BMPR2: variants seen among roughly 807,000 people sequenced by gnomAD.
The protein encoded by BMPR2 is bone morphogenetic protein receptor type 2.
A neutral mutation model predicts 100.8 loss-of-function variants in BMPR2; 29 were observed. That is an observed-to-expected ratio of 0.29 (90% CI 0.21 to 0.39). The LOEUF is 0.39. Ranked by LOEUF, BMPR2 falls within the 10% of genes least tolerant of loss-of-function variation. The probability of loss-of-function intolerance (pLI) is 1.00; values close to 1 mark genes in which losing one functional copy is unlikely to be tolerated. For synonymous variants in BMPR2, 382 were observed against 442.3 expected, an observed-to-expected ratio of 0.86 and a Z score of 1.71; for missense variants, 1,011 against 1,274.5, an observed-to-expected ratio of 0.79 and a Z score of 3.15.
At chr2:202,534,861 C>CTG (rs1187810701) in intron 9 of BMPR2, among the ~76,000 whole-genome samples, 22 of 133,912 alleles carry the variant, frequency 1.6e-4, no homozygotes, top group Non-Finnish European at 3.3e-4. Flanking sequence ...GGCTGACCCC[C>CTG]CCACCTCCCT....
intron 7 of BMPR2, among the ~76,000 whole-genome samples, chr2:202,527,256 G>C (rs1339128713): frequency 6.6e-6 from 1 of 152,134 alleles, no homozygotes; most frequent in African/African-American, 2.4e-5. Flanking sequence ...GGGAGGCCGA[G>C]GTGGGTGGAT....
chr2:202,480,940 C>G (rs894703122), intron 3 of BMPR2, among the ~76,000 whole-genome samples: 2 of 130,132 alleles, frequency 1.5e-5, no homozygotes, highest in Non-Finnish European at 3.1e-5. Flanking sequence ...GGGCGACAGA[C>G]CGAGACTCCG....
Position 202,456,063 on chromosome 2 carries a change from CAAAAAAAAAAAAAAAAAAAAAAA to C in BMPR2, c.77-8729_77-8707del, listed in dbSNP as rs750470872. ...CTGGGCAACAGGGTGAGACCCGTCTCAAAAAAAAAAAAAAAAAAAAAAAAAAAAAAAAAAAAAAAGTTAAGTAG... is the reference window on the plus strand; with the variant it reads ...CTGGGCAACAGGGTGAGACCCGTCTCAAAAAAAAAAAAAAAAGTTAAGTAG... On this transcript the variant is annotated intron_variant, in intron 1 of 12. Coordinates refer to ENST00000374580, the MANE Select transcript of BMPR2 (RefSeq NM_001204.7). 5.4e-4 allele frequency among the ~76,000 whole-genome samples: 20 copies of C among 36,762 alleles called. 1 individual carries two copies. Among genetic ancestry groups the C allele is most frequent in the East Asian group, 2.8e-3 (2 of 720 alleles). 24.1% of individuals were successfully genotyped at this position (36,762 alleles called of 152,430 possible).
At chr2:202,383,702 T>C (rs1459510905) in intron 1 of BMPR2, among the ~76,000 whole-genome samples, 1 of 147,070 alleles carries the variant, frequency 6.8e-6, no homozygotes, top group African/African-American at 2.5e-5. Flanking sequence ...AAAAACAAAA[T>C]TAGCCACGCG....
chr2:202,554,608 A>G (rs1235412451), intron 11 of BMPR2, among the ~76,000 whole-genome samples: 1 of 152,106 alleles, frequency 6.6e-6, no homozygotes, highest in Non-Finnish European at 1.5e-5. Flanking sequence ...CAAAGAACCC[A>G]TGATAATTGG....
chr2:202,543,785 A>G (rs1264036082), intron 10 of BMPR2, among the ~76,000 whole-genome samples: 1 of 152,170 alleles, frequency 6.6e-6, no homozygotes, highest in Non-Finnish European at 1.5e-5. Context: ...AATAACGAGA[A>G]ATTTTTGGTA....
intron 1 of BMPR2, among the ~76,000 whole-genome samples, chr2:202,393,882 C>CGAGAGCGAGAGAGAGAGA (rs1212615683): frequency 6.1e-5 from 6 of 97,924 alleles, no homozygotes; most frequent in African/African-American, 1.4e-4. Flanking sequence ...AATGAGAGAG[C>CGAGAGCGAGAGAGAGAGA]GAGAGAGAGA....
intron 1 of BMPR2, among the ~76,000 whole-genome samples, chr2:202,378,480 CT>C (rs1161855393): frequency 6.6e-6 from 1 of 152,100 alleles, no homozygotes; most frequent in Non-Finnish European, 1.5e-5. Flanking sequence ...TTTCGAATTA[CT>C]TTTTTTCTTT....
At chr2:202,384,530 C>CCCTT (rs1690377155) in intron 1 of BMPR2, among the ~76,000 whole-genome samples, 3 of 107,602 alleles carry the variant, frequency 2.8e-5, no homozygotes, top group African/African-American at 4.3e-5. Flanking sequence ...TTCTTTCTTT[C>CCCTT]TCTTTCTTTC....
Position 202,390,807 on chromosome 2 carries a change from ATTTG to A in BMPR2, c.76+13265_76+13268del, listed in dbSNP as rs1190455307. Among the ~76,000 whole-genome samples the A allele has an allele frequency of 2.0e-5, 3 of 151,698 alleles. 1 individual carries two copies. The highest frequency in any genetic ancestry group is 2.9e-5 in the Non-Finnish European group (2 of 67,966). On this transcript the variant is annotated intron_variant, in intron 1 of 12. Transcript: ENST00000374580. ...TTTCTCTGAATTGCCTATTCTAATG[ATTTG>A]TTTGTTTTTCTTACTGATTTAAAGG...
rs188857825 is a variant in BMPR2 at position 202,431,191 on chromosome 2, A to G, written c.77-33618A>G. ...CCATCATGTCTCCTTTGCTGGAGCAATAATAGATTTTGCATATATTTTATT... is the reference window on the plus strand; with the variant it reads ...CCATCATGTCTCCTTTGCTGGAGCAGTAATAGATTTTGCATATATTTTATT... On this transcript the variant is annotated intron_variant, in intron 1 of 12. Transcript: ENST00000374580. Among the ~76,000 whole-genome samples the G allele has an allele frequency of 2.9e-4, 44 of 150,744 alleles. 1 individual carries two copies. Among genetic ancestry groups the G allele is most frequent in the South Asian group, 8.3e-4 (4 of 4,818 alleles).
chr2:202,411,628 G>A (rs1691014294), intron 1 of BMPR2, among the ~76,000 whole-genome samples: 1 of 152,110 alleles, frequency 6.6e-6, no homozygotes, highest in Non-Finnish European at 1.5e-5. Context: ...CTCTGTTGGA[G>A]TCTAGTGTAG....
chr2:202,443,530 CTCTCTCTCTTTCTG>C (rs931349404), intron 1 of BMPR2, among the ~76,000 whole-genome samples: 16 of 149,658 alleles, frequency 1.1e-4, no homozygotes, highest in Non-Finnish European at 1.2e-4. Context: ...TCCTTTCTTT[CTCTCTCTCTTTCTG>C]TCTCTCTCTT....
rs796451742 is a variant in BMPR2, at chr2:202,437,473, AC to A, written c.77-27335del. On this transcript the variant is annotated intron_variant, in intron 1 of 12. Coordinates refer to ENST00000374580, the MANE Select transcript of BMPR2 (RefSeq NM_001204.7). Reference sequence around the variant, plus strand: ...TAACAGCTTTATTGGGATATAATCTACATAGCATATAATTCACCCATTAAAA... The same window carrying A: ...TAACAGCTTTATTGGGATATAATCTAATAGCATATAATTCACCCATTAAAA... 2.5e-4 allele frequency among the ~76,000 whole-genome samples: 37 copies of A among 150,792 alleles called. 4 individuals are homozygous for A. The highest frequency in any genetic ancestry group is 9.2e-4 in the African/African-American group (37 of 40,104).
intron 3 of BMPR2, among the ~76,000 whole-genome samples, chr2:202,499,928 G>A (rs975096537): frequency 1.3e-5 from 2 of 152,180 alleles, no homozygotes; most frequent in African/African-American, 4.8e-5. Flanking sequence ...CTTGTTATCA[G>A]TATGGTTTAC....
In BMPR2 at chr2:202,565,732, C is replaced by T. The variant is rs1688749032; in HGVS notation, c.*5786C>T. On this transcript the variant is annotated 3_prime_UTR_variant, in exon 13 of 13. Coordinates refer to ENST00000374580, the MANE Select transcript of BMPR2 (RefSeq NM_001204.7). ...AAACCCTACATTAATCAGGTATTATCTATGGACATTTTTGTAGACCACTTT... is the reference window on the plus strand; with the variant it reads ...AAACCCTACATTAATCAGGTATTATTTATGGACATTTTTGTAGACCACTTT... 6.6e-6 allele frequency: 1 copy of T among 152,402 alleles called. No individual in the cohort carries two copies. The highest frequency in any genetic ancestry group is 2.1e-4 in the South Asian group (1 of 4,826). 9.4% of individuals were successfully genotyped at this position (152,402 alleles called of 1,614,324 possible). A position where few individuals can be genotyped will look rare whatever the true frequency, so the allele number is the denominator to read the frequency against.
At chr2:202,557,514 CAA>C (rs1050167106) in intron 12 of BMPR2, among the ~76,000 whole-genome samples, 12 of 124,566 alleles carry the variant, frequency 9.6e-5, no homozygotes, top group African/African-American at 3.0e-4. Flanking sequence ...CACACACACA[CAA>C]ATTAGCTGGG....
chr2:202,544,513 T>G (rs1249106325), intron 10 of BMPR2, among the ~76,000 whole-genome samples: 2 of 152,206 alleles, frequency 1.3e-5, no homozygotes, highest in Non-Finnish European at 2.9e-5. Context: ...TAGTCTCCAG[T>G]CTAATGAGAA....
At chr2:202,431,298 GAC>G (rs1424197224) in intron 1 of BMPR2, among the ~76,000 whole-genome samples, 3 of 150,500 alleles carry the variant, frequency 2.0e-5, no homozygotes, top group Non-Finnish European at 4.4e-5. Context: ...TTAAAAATAA[GAC>G]ACATGTTTTT....
Sources: gnomAD v4.1 joint callset for allele counts (sites outside exome capture counted in the v4.1 genomes callset) on GRCh38, gnomAD v4.1.1 for gene constraint, MANE v1.5 for transcripts, NCBI Gene and HGNC (gene_info 2026-07-23, HGNC 2026-07-21) for gene names.